RRBP1: variants seen among roughly 807,000 people sequenced by gnomAD.
RRBP1 encodes the protein ribosome binding protein 1.
A neutral mutation model predicts 165.2 loss-of-function variants in RRBP1; 94 were observed. That is an observed-to-expected ratio of 0.57 (90% CI 0.48 to 0.68). The LOEUF is 0.68. Among genes scored for constraint, RRBP1 ranks in the 30% least tolerant of loss-of-function variants. The pLI is 0.00. For missense variants in RRBP1, 1,676 were observed against 1,763.0 expected (o/e 0.95, Z 0.88); for synonymous variants, 680 against 714.5 (o/e 0.95, Z 0.77).
At chr20:17,626,620 C>G (rs937755429) in intron 11 of RRBP1, among the ~76,000 whole-genome samples, 3 of 152,178 alleles carry the variant, frequency 2.0e-5, no homozygotes, top group Non-Finnish European at 2.9e-5. Context: ...ATGCCTCCCC[C>G]ACCTACTGCT....
chr20:17,653,088 T>C (rs2036586035), intron 3 of RRBP1, among the ~76,000 whole-genome samples: 1 of 152,144 alleles, frequency 6.6e-6, no homozygotes, highest in South Asian at 2.1e-4. Context: ...AGAAGGGCCT[T>C]TGCAAGGCAA....
At chr20:17,638,274 A>G (rs1170862135) in intron 5 of RRBP1, among the ~76,000 whole-genome samples, 2 of 152,194 alleles carry the variant, frequency 1.3e-5, no homozygotes, top group Non-Finnish European at 2.9e-5. Context: ...TTCCGACACA[A>G]CGGCCCTTCC....
Position 17,682,046 on chromosome 20 carries a change from G to A in RRBP1, c.-117C>T, listed in dbSNP as rs2037204353. On this transcript the variant is annotated 5_prime_UTR_variant, in exon 1 of 25. Coordinates refer to ENST00000377813, the MANE Select transcript of RRBP1 (RefSeq NM_001365613.2). ...TTCTTACCTGCAGCCAGAGACGCGA[G>A]AGGGAAAGCGAGAGGGCAGGAGCCG... 1 of 151,988 alleles carries A rather than the reference G, an allele frequency of 6.6e-6. No individual in the cohort carries two copies. The highest frequency in any genetic ancestry group is 6.6e-5 in the Admixed American group (1 of 15,252). The allele number at this position is 151,988 out of a possible 1,614,324, so 9.4% of individuals were successfully genotyped here.
At chr20:17,677,699 T>G (rs895175129) in intron 2 of RRBP1, among the ~76,000 whole-genome samples, 4 of 151,786 alleles carry the variant, frequency 2.6e-5, no homozygotes, top group African/African-American at 9.7e-5. Context: ...ATTAGCCGGG[T>G]GTGGTGGCGC....
At position 17,641,875 on chromosome 20, in the gene RRBP1, C is replaced by T. The variant is rs768949880; in HGVS notation, c.2106G>A (p.Leu702=). 5.9e-5 allele frequency: 95 copies of T among 1,614,012 alleles called. No individual in the cohort carries two copies. Among genetic ancestry groups the T allele is most frequent in the Non-Finnish European group, 8.1e-5 (95 of 1,180,000 alleles). Residue 702 remains leucine, a synonymous_variant, in exon 5 of 25, where the codon CTG becomes CTA. Transcript: ENST00000377813. ...GDPVAILKRQ[L]EEKEKLLATE... ...TGGCCAGCAGTTTTTCCTTCTCTTC[C>T]AGCTGGCGTTTCAGAATCGCCACAG...
At position 17,658,626 on chromosome 20, in the gene RRBP1, T is replaced by A. The variant is rs1033616869; in HGVS notation, c.1882A>T (p.Lys628Ter). ...TCACCTTTTTTCTTTGAACCAGACT[T>A]CTTCTTGGCAGGAGCCTCTTGCTTT... ...APKQEAPAKK[K>*]SGSKKKGEPG... The change falls in exon 3 of 25, where the codon AAG (lysine) becomes TAG (stop). Residue 628 changes from lysine to a stop codon, truncating the protein, a stop_gained. Coordinates refer to ENST00000377813, the MANE Select transcript of RRBP1 (RefSeq NM_001365613.2). LOFTEE classifies it high-confidence loss of function. 15 of 1,605,040 alleles carry A rather than the reference T, an allele frequency of 9.3e-6. No homozygotes were observed. Among genetic ancestry groups the A allele is most frequent in the African/African-American group, 1.4e-5 (1 of 74,044 alleles).
At chr20:17,680,120 G>A (rs956152854) in intron 1 of RRBP1, 45 bp from the exon 2 acceptor site, 1 of 152,250 alleles carries the variant, frequency 6.6e-6, no homozygotes, top group Non-Finnish European at 1.5e-5. Context: ...AGTGACCTTT[G>A]GCAAGTTCGT....
chr20:17,659,555 T>C lies in RRBP1; in HGVS notation c.953A>G (p.Gln318Arg), dbSNP rs1348168358. The C allele has an allele frequency of 2.6e-6, 4 of 1,549,662 alleles. No homozygotes were observed. The highest frequency in any genetic ancestry group is 3.5e-6 in the Non-Finnish European group (4 of 1,146,694). Reference protein sequence around the residue: ...QGKKAEGAQNQGKKGEGAQNQ... With the variant: ...QGKKAEGAQNRGKKGEGAQNQ... ...CTGGGCCCCCTCTCCCTTTTTGCCC[T>C]GATTCTGGGCCCCCTCTGCCTTTTT... The change falls in exon 3 of 25, where the codon CAG becomes CGG. Residue 318 changes from glutamine (Q) to arginine (R), a missense_variant. By Grantham distance (43) the Gln-to-Arg change is conservative. Coordinates refer to ENST00000377813, the MANE Select transcript of RRBP1 (RefSeq NM_001365613.2).
At chr20:17,644,866 A>T (rs1243207562) in intron 3 of RRBP1, among the ~76,000 whole-genome samples, 1 of 152,254 alleles carries the variant, frequency 6.6e-6, no homozygotes, top group Non-Finnish European at 1.5e-5. Flanking sequence ...TTTTGGATAA[A>T]CTGGGTCAAA....
Position 17,614,094 on chromosome 20 carries a change from C to A in RRBP1, c.*88G>T. ...GCTACCGGAAGTTGGGCCTGGATAA[C>A]GCTGTGTAGGTTGGTTGGTTTATTT... On this transcript the variant is annotated 3_prime_UTR_variant, in exon 25 of 25. Transcript: ENST00000377813. The A allele has an allele frequency of 7.4e-7, 1 of 1,347,816 alleles. No homozygotes were observed. Among genetic ancestry groups the A allele is most frequent in the Non-Finnish European group, 1.1e-6 (1 of 939,422 alleles). The allele number at this position is 1,347,816 out of a possible 1,614,324, so 83.5% of individuals were successfully genotyped here.
In RRBP1 at chr20:17,629,749, G is replaced by A. The variant is rs1463282315; in HGVS notation, c.2749+74C>T. On this transcript the variant is annotated intron_variant, in intron 9 of 24. Coordinates refer to ENST00000377813, the MANE Select transcript of RRBP1 (RefSeq NM_001365613.2). ...GCCTAACCCACTGAGTTCTGGCACT[G>A]GCAGTGGGGCTGGGCCGGCATGCAG... 8 of 1,466,630 alleles carry A rather than the reference G, an allele frequency of 5.5e-6. No individual in the cohort carries two copies. The Admixed American group carries it at 7.2e-5, about 13-fold the overall frequency. The allele number at this position is 1,466,630 out of a possible 1,614,324, so 90.9% of individuals were successfully genotyped here.
intron 2 of RRBP1, among the ~76,000 whole-genome samples, chr20:17,674,744 C>T (rs922944781): frequency 2.0e-5 from 3 of 151,914 alleles, no homozygotes; most frequent in East Asian, 1.9e-4. Context: ...GGAGACAGAG[C>T]GAGACTCCCT....
At chr20:17,657,336 G>C (rs1191751770) in intron 3 of RRBP1, among the ~76,000 whole-genome samples, 1 of 152,214 alleles carries the variant, frequency 6.6e-6, no homozygotes, top group African/African-American at 2.4e-5. Context: ...ACACGGAGCA[G>C]GGGGCTGCTG....
rs766540152 is a variant in RRBP1, at chr20:17,633,629, C to A, written c.2457-16G>T. ...TGCGTTCTGCCTGCAAGACAGTCAC[C>A]AGCCCGACTAATGGAAAGAAAAGGG... On this transcript the variant is annotated splice_polypyrimidine_tract_variant and intron_variant, in intron 7 of 24. Transcript: ENST00000377813. The A allele has an allele frequency of 1.2e-6, 2 of 1,612,682 alleles. No individual in the cohort carries two copies. The highest frequency in any genetic ancestry group is 1.3e-5 in the African/African-American group (1 of 74,898).
At chr20:17,664,041 T>C (rs1391007912) in intron 2 of RRBP1, among the ~76,000 whole-genome samples, 1 of 152,184 alleles carries the variant, frequency 6.6e-6, no homozygotes, top group African/African-American at 2.4e-5. Flanking sequence ...TTCCTATACC[T>C]ACATACCTAT....
chr20:17,629,852 T>C lies in RRBP1; in HGVS notation c.2720A>G (p.Lys907Arg). The C allele has an allele frequency of 6.3e-7, 1 of 1,599,522 alleles. No homozygotes were observed. Among genetic ancestry groups the C allele is most frequent in the African/African-American group, 1.3e-5 (1 of 75,048 alleles). ...SHASLRADAE[K>R]AQEQQQQMAE... is the part of the protein sequence containing the mutation. ...CATCTGCTGCTGTTGCTCCTGGGCC[T>C]TCTCGGCATCCGCCCGGAGGCTGGC... Residue 907 changes from lysine (K) to arginine (R), a missense_variant, in exon 9 of 25, where the codon AAG becomes AGG. Transcript: ENST00000377813.
intron 7 of RRBP1, among the ~76,000 whole-genome samples, 189 bp from the exon 8 acceptor site, chr20:17,633,802 T>C (rs1056617421): frequency 5.9e-5 from 9 of 152,212 alleles, no homozygotes; most frequent in African/African-American, 1.7e-4. Context: ...AGACATTGTT[T>C]TACCTATATA....
intron 11 of RRBP1, 127 bp from the exon 12 acceptor site, chr20:17,625,729 C>T: frequency 2.8e-6 from 2 of 720,776 alleles, no homozygotes; most frequent in Non-Finnish European, 4.7e-6. Flanking sequence ...ACGGTCCCTT[C>T]TGGCTGCCCC....
Position 17,627,329 on chromosome 20 carries a change from G to A in RRBP1, c.2963+19C>T, listed in dbSNP as rs749307617. 1 of 1,612,250 alleles carries A rather than the reference G, an allele frequency of 6.2e-7. No homozygotes were observed. Among genetic ancestry groups the A allele is most frequent in the African/African-American group, 1.3e-5 (1 of 74,890 alleles). On this transcript the variant is annotated intron_variant, in intron 11 of 24. Transcript: ENST00000377813. The stretch of plus-strand genomic sequence containing the variant: ...GGGCTGAGGCTCAAGTGAGCAGGCA[G>A]GCTGCTTCCCCAGCTTACCGAGTCT...
Sources: allele counts gnomAD v4.1 joint callset (sites outside exome capture counted in the v4.1 genomes callset), GRCh38; gene constraint gnomAD v4.1.1; transcripts MANE v1.5; gene names NCBI Gene and HGNC (gene_info 2026-07-23, HGNC 2026-07-21).